Variants in SPECC1L observed in about 807,000 individuals in gnomAD.
The protein encoded by SPECC1L is cytospin-A.
A neutral mutation model predicts 116.8 loss-of-function variants in SPECC1L; 40 were observed. The observed-to-expected ratio is 0.34, with a 90% CI of 0.27 to 0.45. SPECC1L has a LOEUF of 0.45. Among genes scored for constraint, SPECC1L ranks in the 20% least tolerant of loss-of-function variants. SPECC1L has a pLI of 1.00. For missense variants in SPECC1L, 1,110 were observed against 1,373.6 expected, an observed-to-expected ratio of 0.81 and a Z score of 3.03; for synonymous variants, 504 against 500.6, an observed-to-expected ratio of 1.01 and a Z score of -0.09.
chr22:24,300,468 C>A (rs889994900), intron 2 of SPECC1L, among the ~76,000 whole-genome samples: 1 of 152,090 alleles, frequency 6.6e-6, no homozygotes, highest in Non-Finnish European at 1.5e-5. Context: ...TATAGTGGAA[C>A]GATTTGTATT....
intron 1 of SPECC1L, among the ~76,000 whole-genome samples, chr22:24,271,604 T>A (rs1408277611): frequency 1.3e-5 from 2 of 152,252 alleles, no homozygotes; most frequent in Non-Finnish European, 2.9e-5. Flanking sequence ...ATTTGGTAAT[T>A]GTATTACCTT....
At chr22:24,348,162 G>C (rs1191922028) in intron 11 of SPECC1L, among the ~76,000 whole-genome samples, 1 of 152,146 alleles carries the variant, frequency 6.6e-6, no homozygotes, top group African/African-American at 2.4e-5. Context: ...GTGGGTGTGG[G>C]AATGTTCCCA....
chr22:24,353,925 TA>T (rs1453588007), intron 11 of SPECC1L, among the ~76,000 whole-genome samples: 1 of 152,188 alleles, frequency 6.6e-6, no homozygotes, highest in African/African-American at 2.4e-5. Flanking sequence ...GGGTAATTTA[TA>T]AAGAAAAGAG....
intron 14 of SPECC1L, among the ~76,000 whole-genome samples, chr22:24,378,471 A>G (rs967261297): frequency 2.0e-5 from 3 of 152,242 alleles, no homozygotes; most frequent in Admixed American, 2.0e-4. Flanking sequence ...TTTCCTCTGC[A>G]TTCACAACTT....
At chr22:24,352,363 C>T (rs1323498902) in intron 11 of SPECC1L, among the ~76,000 whole-genome samples, 1 of 152,158 alleles carries the variant, frequency 6.6e-6, no homozygotes, top group Non-Finnish European at 1.5e-5. Flanking sequence ...TGGGATTGCC[C>T]AGTGTCAGTG....
chr22:24,379,572 A>C (rs572854824), intron 14 of SPECC1L, among the ~76,000 whole-genome samples: 1 of 152,254 alleles, frequency 6.6e-6, no homozygotes, highest in Admixed American at 6.5e-5. Flanking sequence ...AGTTTTTTCC[A>C]TTTACTTGGT....
At chr22:24,320,045 G>A (rs547910945) in intron 4 of SPECC1L, among the ~76,000 whole-genome samples, 1 of 152,166 alleles carries the variant, frequency 6.6e-6, no homozygotes, top group Admixed American at 6.5e-5. Flanking sequence ...AGACCGACGC[G>A]GGCAGATCAT....
At chr22:24,372,539 A>G (rs1320438554) in intron 14 of SPECC1L, among the ~76,000 whole-genome samples, 1 of 152,214 alleles carries the variant, frequency 6.6e-6, no homozygotes, top group Admixed American at 6.5e-5. Context: ...GATTATCTCA[A>G]TAGATGCAGA....
At chr22:24,334,714 C>T (rs2041015709) in intron 9 of SPECC1L, 141 bp downstream of exon 9, 1 of 916,916 alleles carries the variant, frequency 1.1e-6, no homozygotes, top group South Asian at 1.4e-5. Flanking sequence ...CTAGACTTAA[C>T]AGAAGGTGAT....
At chr22:24,323,011 G>T in intron 5 of SPECC1L, 93 bp downstream of exon 5, 1 of 1,536,062 alleles carries the variant, frequency 6.5e-7, no homozygotes, top group Non-Finnish European at 8.7e-7. Flanking sequence ...GTTTGGTTTG[G>T]TGTGTTATTA....
At chr22:24,352,679 C>A (rs2041450045) in intron 11 of SPECC1L, among the ~76,000 whole-genome samples, 2 of 152,134 alleles carry the variant, frequency 1.3e-5, no homozygotes, top group African/African-American at 4.8e-5. Flanking sequence ...TTAGATCTAG[C>A]CTTAGGCCAT....
rs2041738183 is a variant in SPECC1L at position 24,365,343 on chromosome 22, T to A, written c.2828-133T>A. ...TTTAATGGAAAAATAAGAAATACTT[T>A]CCAGTTATCAATATTAGTTTTTCCT... On this transcript the variant is annotated intron_variant, in intron 12 of 16. Coordinates refer to ENST00000314328, the MANE Select transcript of SPECC1L (RefSeq NM_015330.6). The A allele has an allele frequency of 1.9e-5, 15 of 799,576 alleles. No individual in the cohort carries two copies. In the South Asian group the frequency reaches 2.6e-4, roughly 14 times the overall value. 49.5% of individuals were successfully genotyped at this position (799,576 alleles called of 1,614,324 possible).
chr22:24,324,117 C>CCTCATACTTAGCTCCCCTTGG lies in SPECC1L; in HGVS notation c.1939-102_1939-82dup. 5.5e-6 allele frequency: 5 copies of CCTCATACTTAGCTCCCCTTGG among 908,956 alleles called. No homozygotes were observed. The South Asian group carries it at 6.7e-5, about 12-fold the overall frequency. 56.3% of individuals were successfully genotyped at this position (908,956 alleles called of 1,614,324 possible). On this transcript the variant is annotated intron_variant, in intron 5 of 16. Coordinates refer to ENST00000314328, the MANE Select transcript of SPECC1L (RefSeq NM_015330.6). ...AGGTTGTTTTAGTTTATCCATAGTG[C>CCTCATACTTAGCTCCCCTTGG]CTCATACTTAGCTCCCCTTGGAAAC...
intron 14 of SPECC1L, among the ~76,000 whole-genome samples, chr22:24,385,002 G>GC (rs2042133851): frequency 6.6e-6 from 1 of 150,944 alleles, no homozygotes; most frequent in Non-Finnish European, 1.5e-5. Flanking sequence ...GGCAGAGCTT[G>GC]CAGTGAGCTG....
chr22:24,291,202 A>G (rs1033784932), intron 2 of SPECC1L, among the ~76,000 whole-genome samples: 2 of 152,228 alleles, frequency 1.3e-5, no homozygotes, highest in African/African-American at 4.8e-5. Context: ...AAAAGTCATA[A>G]TTAATAAGCA....
intron 14 of SPECC1L, among the ~76,000 whole-genome samples, chr22:24,405,814 G>T (rs2042579855): frequency 6.7e-6 from 1 of 149,892 alleles, no homozygotes; most frequent in East Asian, 2.0e-4. Context: ...ACTCCAGCCT[G>T]GGCAACAGAG....
At chr22:24,404,285 A>G (rs1189934091) in intron 14 of SPECC1L, among the ~76,000 whole-genome samples, 2 of 152,106 alleles carry the variant, frequency 1.3e-5, no homozygotes, top group African/African-American at 4.8e-5. Context: ...GGGATCCCAT[A>G]CAGGACTCCG....
At chr22:24,334,205 G>T (rs1008126118) in intron 8 of SPECC1L, among the ~76,000 whole-genome samples, 4 of 151,660 alleles carry the variant, frequency 2.6e-5, no homozygotes, top group African/African-American at 9.7e-5. Context: ...GTAGAGATGG[G>T]GTTTCACCGT....
chr22:24,327,444 G>C (rs898465203), intron 6 of SPECC1L, among the ~76,000 whole-genome samples: 1 of 151,768 alleles, frequency 6.6e-6, no homozygotes, highest in Non-Finnish European at 1.5e-5. Flanking sequence ...CATACTTTAG[G>C]GTCCTAATTA....
Sources: allele counts gnomAD v4.1 joint callset (sites outside exome capture counted in the v4.1 genomes callset), GRCh38; gene constraint gnomAD v4.1.1; transcripts MANE v1.5; gene names NCBI Gene and HGNC (gene_info 2026-07-23, HGNC 2026-07-21).